Variants in AVEN observed in about 807,000 individuals in gnomAD.
AVEN encodes apoptosis and caspase activation inhibitor, also known as cell death regulator Aven.
Under a neutral mutation model 38.1 loss-of-function variants are expected in AVEN, and 41 were observed. The ratio of observed to expected loss-of-function variants is 1.08; its 90% confidence interval spans 0.84 to 1.40. The LOEUF (loss-of-function observed/expected upper bound fraction) is 1.40. Ranked by LOEUF, AVEN falls within the 40% of genes most tolerant of loss-of-function variation. The pLI, the probability that AVEN is intolerant of heterozygous loss-of-function variation, is 0.00. For missense variants in AVEN, 605 were observed against 438.8 expected, an observed-to-expected ratio of 1.38 and a Z score of -3.38; for synonymous variants, 206 against 171.8, an observed-to-expected ratio of 1.20 and a Z score of -1.56.
chr15:33,906,740 T>C (rs569954859), intron 2 of AVEN, among the ~76,000 whole-genome samples: 1 of 152,084 alleles, frequency 6.6e-6, no homozygotes, highest in African/African-American at 2.4e-5. Flanking sequence ...GAGAAGACAA[T>C]GGCAAGTTAT....
At chr15:33,960,810 T>C (rs1895133154) in intron 2 of AVEN, among the ~76,000 whole-genome samples, 1 of 152,178 alleles carries the variant, frequency 6.6e-6, no homozygotes, top group African/African-American at 2.4e-5. Flanking sequence ...TTCAGCTGTG[T>C]GGGAGCAGAG....
intron 2 of AVEN, among the ~76,000 whole-genome samples, chr15:34,068,084 T>C (rs1900553691): frequency 6.6e-6 from 1 of 152,098 alleles, no homozygotes; most frequent in South Asian, 2.1e-4. Context: ...CATTCCGCAC[T>C]TAACGTTTTG....
intron 2 of AVEN, among the ~76,000 whole-genome samples, chr15:33,919,402 T>A (rs1893298403): frequency 6.6e-6 from 1 of 152,172 alleles, no homozygotes; most frequent in Admixed American, 6.5e-5. Context: ...AATTGGTATC[T>A]CTCAAACAGC....
At chr15:34,005,054 A>C (rs1053759074) in intron 1 of AVEN, among the ~76,000 whole-genome samples, 1 of 152,124 alleles carries the variant, frequency 6.6e-6, no homozygotes, top group African/African-American at 2.4e-5. Flanking sequence ...AGCAAAACTA[A>C]AATATATAAA....
At chr15:33,863,012 G>A (rs1222081715), downstream of AVEN, among the ~76,000 whole-genome samples, 2 of 152,208 alleles carry the variant, frequency 1.3e-5, no homozygotes, top group East Asian at 3.8e-4. Context: ...TCTTAATGGA[G>A]GTTAATGAGC....
intron 4 of AVEN, among the ~76,000 whole-genome samples, chr15:33,870,004 G>A (rs946608598): frequency 6.6e-6 from 1 of 151,936 alleles, no homozygotes; most frequent in African/African-American, 2.4e-5. Context: ...ATTTCCACTT[G>A]GATATCTCAG....
At chr15:33,937,953 A>G (rs1894156146) in intron 2 of AVEN, among the ~76,000 whole-genome samples, 1 of 150,156 alleles carries the variant, frequency 6.7e-6, no homozygotes, top group Non-Finnish European at 1.5e-5. Flanking sequence ...AAAAAAAAAA[A>G]AAAAAGAAAG....
intron 2 of AVEN, among the ~76,000 whole-genome samples, chr15:33,936,039 T>G (rs1353183432): frequency 6.6e-6 from 1 of 150,744 alleles, no homozygotes; most frequent in African/African-American, 2.4e-5. Flanking sequence ...AAAGCAAAAA[T>G]ACGAATGGAA....
At chr15:33,995,492 T>G (rs1471578725) in intron 2 of AVEN, among the ~76,000 whole-genome samples, 1 of 152,214 alleles carries the variant, frequency 6.6e-6, no homozygotes, top group Non-Finnish European at 1.5e-5. Flanking sequence ...TCCTAGATTT[T>G]GGTATCCACA....
intron 2 of AVEN, among the ~76,000 whole-genome samples, chr15:33,954,036 C>A (rs946260244): frequency 1.3e-5 from 2 of 152,158 alleles, no homozygotes; most frequent in East Asian, 1.9e-4. Context: ...ATGCAGCCAA[C>A]AGACACATGA....
chr15:33,974,346 C>G (rs1172086883), intron 2 of AVEN, among the ~76,000 whole-genome samples: 1 of 152,230 alleles, frequency 6.6e-6, no homozygotes, highest in Non-Finnish European at 1.5e-5. Flanking sequence ...CCCTCTCCCT[C>G]TTTCACTCTC....
chr15:34,035,871 T>C (rs1218397265), intron 1 of AVEN, among the ~76,000 whole-genome samples: 2 of 152,188 alleles, frequency 1.3e-5, no homozygotes, highest in African/African-American at 4.8e-5. Context: ...CACAGCTCAC[T>C]GCAGCCTCCA....
At chr15:33,906,533 G>C (rs1225922991) in intron 2 of AVEN, among the ~76,000 whole-genome samples, 1 of 152,072 alleles carries the variant, frequency 6.6e-6, no homozygotes. Flanking sequence ...TCAATTCTTT[G>C]GGCTATATAA....
chr15:33,863,892 T>C (rs1889452288), downstream of AVEN, among the ~76,000 whole-genome samples: 1 of 152,252 alleles, frequency 6.6e-6, no homozygotes, highest in Non-Finnish European at 1.5e-5. Flanking sequence ...CAAGTGATCT[T>C]ACTTAGTTCA....
upstream of AVEN, among the ~76,000 whole-genome samples, chr15:34,042,061 A>G (rs1014929623): frequency 1.3e-5 from 2 of 152,224 alleles, no homozygotes; most frequent in Non-Finnish European, 2.9e-5. Flanking sequence ...AAGTTCTTTC[A>G]ACAAGGATAC....
chr15:33,856,648 T>TTTC (rs386382655), downstream of AVEN: 3 of 25,462 alleles, frequency 1.2e-4, no homozygotes, highest in Admixed American at 1.0e-3. Flanking sequence ...AACCTTTGGG[T>TTTC]TTTTTGTTTG....
chr15:34,062,579 A>G, intron 5 of AVEN: 1 of 736,166 alleles, frequency 1.4e-6, no homozygotes, highest in South Asian at 2.1e-5. Context: ...AAAAAACTAT[A>G]AACAATGGAT....
the AVEN span, chr15:33,852,248 C>G: frequency 1.3e-5 from 2 of 152,102 alleles, no homozygotes; most frequent in East Asian, 3.8e-4. Context: ...TACAAGGAAC[C>G]CCCCCACAGG....
At chr15:34,031,500 G>A (rs932001384) in intron 1 of AVEN, among the ~76,000 whole-genome samples, 1 of 152,142 alleles carries the variant, frequency 6.6e-6, no homozygotes, top group African/African-American at 2.4e-5. Context: ...TAAAATGTTT[G>A]CTATCCCTCA....
Sources: allele counts gnomAD v4.1 joint callset (sites outside exome capture counted in the v4.1 genomes callset), GRCh38; gene constraint gnomAD v4.1.1; transcripts MANE v1.5; gene names NCBI Gene and HGNC (gene_info 2026-07-23, HGNC 2026-07-21).